RILP: variants seen among roughly 807,000 people sequenced by gnomAD.
RILP encodes the protein Rab interacting lysosomal protein.
A neutral mutation model predicts 40.0 loss-of-function variants in RILP; 53 were observed. The observed-to-expected ratio is 1.32, with a 90% CI of 1.06 to 1.66. RILP has a LOEUF of 1.66. Ranked by LOEUF, RILP falls within the 40% of genes most tolerant of loss-of-function variation. The pLI is 0.00. For synonymous variants in RILP, 272 were observed against 250.6 expected (o/e 1.09, Z -0.80); for missense variants, 626 against 551.7 (o/e 1.13, Z -1.35).
At position 1,649,621 on chromosome 17, in the gene RILP, G is replaced by C. The variant is rs1364167153; in HGVS notation, c.184C>G (p.Leu62Val). 3 of 1,581,312 alleles carry C rather than the reference G, an allele frequency of 1.9e-6. No homozygotes were observed. The highest frequency in any genetic ancestry group is 2.7e-5 in the African/African-American group (2 of 74,368). The stretch of plus-strand genomic sequence containing the variant: ...ACGGCAGCCTGTTCCAAGAGCTCCA[G>C]CGCCCGCACCACTAGCGGCACCAGC... ...AGLVPLVVRA[L>V]ELLEQAAVGP... Residue 62 changes from leucine to valine, a missense_variant, in exon 1 of 8, where the codon CTG becomes GTG. Transcript: ENST00000301336. The surrounding 1 kb of genome is among the most constrained non-coding windows in gnomAD (Gnocchi z 4.3).
In RILP at chr17:1,648,777, C is replaced by G; in HGVS notation, c.675+22G>C. The G allele has an allele frequency of 6.7e-7, 1 of 1,494,502 alleles. No homozygotes were observed. The allele number at this position is 1,494,502 out of a possible 1,614,324, so 92.6% of individuals were successfully genotyped here. A position where few individuals can be genotyped will look rare whatever the true frequency, so the allele number is the denominator to read the frequency against. On this transcript the variant is annotated intron_variant, in intron 4 of 7. Transcript: ENST00000301336. This position sits in a 1 kb window ranked among gnomAD's most constrained non-coding sequence, Gnocchi z 4.9. ...TGGACGCTGCGTCCTGGGCTGGGTCCTTGCCCTCATACGGCACTCACCGGG... is the reference window on the plus strand; with the variant it reads ...TGGACGCTGCGTCCTGGGCTGGGTCGTTGCCCTCATACGGCACTCACCGGG...
chr17:1,646,959 G>T lies in RILP; in HGVS notation c.975C>A (p.Leu325=). The T allele has an allele frequency of 6.2e-7, 1 of 1,609,020 alleles. No individual in the cohort carries two copies. The highest frequency in any genetic ancestry group is 1.1e-5 in the South Asian group (1 of 90,344). The change falls in exon 7 of 8, where the codon CTC becomes CTA. Residue 325 remains leucine (L), a synonymous_variant. Transcript: ENST00000301336. This position sits in a 1 kb window ranked among gnomAD's most constrained non-coding sequence, Gnocchi z 4.3. ...GGGGATGGTCTCCCTTGTCATCGGA[G>T]AGCAGGATCCATGGGCCAGCCTCAT... The part of the protein sequence containing the change: ...SEDEAGPWIL[L]SDDKGDHPPP...
At position 1,648,574 on chromosome 17, in the gene RILP, G is replaced by A. The variant is rs932501117; in HGVS notation, c.676-79C>T. The A allele has an allele frequency of 6.4e-7, 1 of 1,554,186 alleles. No homozygotes were observed. Reference sequence around the variant, plus strand: ...CCAGGGCCATCATGGGAATGCTAGAGGAAGTGACGGGCCGGGAGACTTGGG... The same window carrying A: ...CCAGGGCCATCATGGGAATGCTAGAAGAAGTGACGGGCCGGGAGACTTGGG... On this transcript the variant is annotated intron_variant, in intron 4 of 7. Coordinates refer to ENST00000301336, the MANE Select transcript of RILP (RefSeq NM_031430.3). This position sits in a 1 kb window ranked among gnomAD's most constrained non-coding sequence, Gnocchi z 4.9.
intron 5 of RILP, 35 bp from the exon 6 acceptor site, chr17:1,647,992 G>A: frequency 6.2e-7 from 1 of 1,611,392 alleles, no homozygotes; most frequent in Non-Finnish European, 8.5e-7. Context: ...GAAAGCCCTG[G>A]TGATGCCAGC....
Position 1,648,648 on chromosome 17 carries a change from G to T in RILP, c.675+151C>A. On this transcript the variant is annotated intron_variant, in intron 4 of 7. Coordinates refer to ENST00000301336, the MANE Select transcript of RILP (RefSeq NM_031430.3). This position sits in a 1 kb window ranked among gnomAD's most constrained non-coding sequence, Gnocchi z 4.9. The stretch of plus-strand genomic sequence containing the variant: ...ACAGAGCAGTGCTCCAGCTGAGAGC[G>T]GGGGCCGAGGCCGGCCGGGGGCGCA... 1 of 1,395,048 alleles carries T rather than the reference G, an allele frequency of 7.2e-7. No individual in the cohort carries two copies. Among genetic ancestry groups the T allele is most frequent in the Non-Finnish European group, 9.4e-7 (1 of 1,060,612 alleles). 86.4% of individuals were successfully genotyped at this position (1,395,048 alleles called of 1,614,324 possible).
Position 1,646,387 on chromosome 17 carries a change from C to A in RILP, c.*55G>T. The A allele has an allele frequency of 1.3e-6, 2 of 1,491,334 alleles. No individual in the cohort carries two copies. Among genetic ancestry groups the A allele is most frequent in the Admixed American group, 2.3e-5 (1 of 43,982 alleles). The allele number at this position is 1,491,334 out of a possible 1,614,324, so 92.4% of individuals were successfully genotyped here. On this transcript the variant is annotated 3_prime_UTR_variant, in exon 8 of 8. Transcript: ENST00000301336. The surrounding 1 kb of genome is among the most constrained non-coding windows in gnomAD (Gnocchi z 4.3). ...AGACCCCTGGCGAGGGCTGTGAAGGCGGGAGCCCTGTCCTCATTTGAGGCC... is the reference window on the plus strand; with the variant it reads ...AGACCCCTGGCGAGGGCTGTGAAGGAGGGAGCCCTGTCCTCATTTGAGGCC...
chr17:1,646,581 T>G lies in RILP; in HGVS notation c.1067A>C (p.Glu356Ala). 1.2e-6 allele frequency: 2 copies of G among 1,603,404 alleles called. No individual in the cohort carries two copies. Among genetic ancestry groups the G allele is most frequent in the Non-Finnish European group, 1.7e-6 (2 of 1,175,778 alleles). The change falls in exon 8 of 8, where the codon GAG becomes GCG. Residue 356 changes from glutamate (E) to alanine (A), a missense_variant. Transcript: ENST00000301336. This position sits in a 1 kb window ranked among gnomAD's most constrained non-coding sequence, Gnocchi z 4.3. Reference sequence around the variant, plus strand: ...GGGTGCAGGGCTGCTGGTCTCATCCTCAGAGGATTCAGCTTTACCCCGATA... The same window carrying G: ...GGGTGCAGGGCTGCTGGTCTCATCCGCAGAGGATTCAGCTTTACCCCGATA... ...LWYRGKAESSEDETSSPAPSK... is the reference protein window; with the variant it reads ...LWYRGKAESSADETSSPAPSK...
Position 1,649,866 on chromosome 17 carries a change from C to T in RILP, c.-62G>A, listed in dbSNP as rs1403542070. 4.4e-6 allele frequency: 6 copies of T among 1,361,160 alleles called. No individual in the cohort carries two copies. The highest frequency in any genetic ancestry group is 5.9e-6 in the Non-Finnish European group (6 of 1,012,988). The allele number at this position is 1,361,160 out of a possible 1,614,324, so 84.3% of individuals were successfully genotyped here. A position where few individuals can be genotyped will look rare whatever the true frequency, so the allele number is the denominator to read the frequency against. On this transcript the variant is annotated 5_prime_UTR_variant, in exon 1 of 8. Transcript: ENST00000301336. The surrounding 1 kb of genome is among the most constrained non-coding windows in gnomAD (Gnocchi z 4.3). ...CACCCTCCACTGGGACGGGGAAAAG[C>T]GAAACAGTTCCGCCCCAGGAAGCCG...
chr17:1,649,622 C>A lies in RILP; in HGVS notation c.183G>T (p.Ala61=). 6.3e-7 allele frequency: 1 copy of A among 1,581,280 alleles called. No homozygotes were observed. Among genetic ancestry groups the A allele is most frequent in the South Asian group, 1.1e-5 (1 of 89,074 alleles). Reference sequence around the variant, plus strand: ...CGGCAGCCTGTTCCAAGAGCTCCAGCGCCCGCACCACTAGCGGCACCAGCC... The same window carrying A: ...CGGCAGCCTGTTCCAAGAGCTCCAGAGCCCGCACCACTAGCGGCACCAGCC... ...AAGLVPLVVR[A]LELLEQAAVG... is the part of the protein sequence containing the mutation. Residue 61 remains alanine, a synonymous_variant, in exon 1 of 8, where the codon GCG becomes GCT. Coordinates refer to ENST00000301336, the MANE Select transcript of RILP (RefSeq NM_031430.3). This position sits in a 1 kb window ranked among gnomAD's most constrained non-coding sequence, Gnocchi z 4.3.
Position 1,649,422 on chromosome 17 carries a change from C to G in RILP, c.312G>C (p.Ala104=). The change falls in exon 2 of 8, where the codon GCG becomes GCC. Residue 104 remains alanine (A), a synonymous_variant. Coordinates refer to ENST00000301336, the MANE Select transcript of RILP (RefSeq NM_031430.3). The surrounding 1 kb of genome is among the most constrained non-coding windows in gnomAD (Gnocchi z 4.3). The stretch of plus-strand genomic sequence containing the variant: ...CGGGGCTGCGCTTACCCTGTGGCCC[C>G]GCGCGCAGCTCCCTGCGGAGGCGCT... ...ENERLRRELR[A]GPQEERALLR... is the part of the protein sequence containing the mutation. 1 of 1,507,186 alleles carries G rather than the reference C, an allele frequency of 6.6e-7. No individual in the cohort carries two copies. Among genetic ancestry groups the G allele is most frequent in the Non-Finnish European group, 8.8e-7 (1 of 1,135,532 alleles). 93.4% of individuals were successfully genotyped at this position (1,507,186 alleles called of 1,614,324 possible). A position where few individuals can be genotyped will look rare whatever the true frequency, so the allele number is the denominator to read the frequency against.
Position 1,649,309 on chromosome 17 carries a change from G to C in RILP, c.323-3C>G. The C allele has an allele frequency of 1.3e-6, 2 of 1,502,222 alleles. No individual in the cohort carries two copies. The highest frequency in any genetic ancestry group is 1.8e-6 in the Non-Finnish European group (2 of 1,132,750). 93.1% of individuals were successfully genotyped at this position (1,502,222 alleles called of 1,614,324 possible). ...CTGCCGCAGCAGCGCGCGCTCCTCT[G>C]AGGAAGGGGCGTTCTTAGCGGCGGC... On this transcript the variant is annotated splice_region_variant and splice_polypyrimidine_tract_variant and intron_variant, in intron 2 of 7. Transcript: ENST00000301336. The surrounding 1 kb of genome is among the most constrained non-coding windows in gnomAD (Gnocchi z 4.3).
At position 1,648,266 on chromosome 17, in the gene RILP, C is replaced by A; in HGVS notation, c.821+84G>T. 6.6e-7 allele frequency: 1 copy of A among 1,518,904 alleles called. No individual in the cohort carries two copies. Among genetic ancestry groups the A allele is most frequent in the South Asian group, 1.2e-5 (1 of 80,172 alleles). 94.1% of individuals were successfully genotyped at this position (1,518,904 alleles called of 1,614,324 possible). A position where few individuals can be genotyped will look rare whatever the true frequency, so the allele number is the denominator to read the frequency against. ...TGTCCTCCCAGTTCCCAGCGCAGGC[C>A]TGGCACATGTCACTGTGGACATGTC... On this transcript the variant is annotated intron_variant, in intron 5 of 7. Coordinates refer to ENST00000301336, the MANE Select transcript of RILP (RefSeq NM_031430.3). The surrounding 1 kb of genome is among the most constrained non-coding windows in gnomAD (Gnocchi z 4.9).
At position 1,646,558 on chromosome 17, in the gene RILP, G is replaced by C; in HGVS notation, c.1090C>G (p.Pro364Ala). The change falls in exon 8 of 8, where the codon CCC (proline) becomes GCC (alanine). Residue 364 changes from proline (P) to alanine (A), a missense_variant. Transcript: ENST00000301336. This position sits in a 1 kb window ranked among gnomAD's most constrained non-coding sequence, Gnocchi z 4.3. ...TCCTCTTCTCCCCCTAGCTTGCTGG[G>C]TGCAGGGCTGCTGGTCTCATCCTCA... is the stretch of plus-strand genomic sequence containing the variant. ...SSEDETSSPA[P>A]SKLGGEEEAQ... The C allele has an allele frequency of 6.2e-7, 1 of 1,612,762 alleles. No individual in the cohort carries two copies. The highest frequency in any genetic ancestry group is 8.5e-7 in the Non-Finnish European group (1 of 1,179,350).
Position 1,646,448 on chromosome 17 carries a change from C to G in RILP, c.1200G>C (p.Glu400Asp), listed in dbSNP as rs1567668879. The G allele has an allele frequency of 1.3e-6, 2 of 1,578,186 alleles. No individual in the cohort carries two copies. The highest frequency in any genetic ancestry group is 1.7e-6 in the Non-Finnish European group (2 of 1,162,938). Residue 400 changes from glutamate to aspartate, a missense_variant, in exon 8 of 8, where the codon GAG becomes GAC. Transcript: ENST00000301336. The surrounding 1 kb of genome is among the most constrained non-coding windows in gnomAD (Gnocchi z 4.3). ...CCACAGCCAGACCCCTAAGTCAGGC[C>G]TCTGGGGCGGCTGAGGCCCCCAGAC... is the stretch of plus-strand genomic sequence containing the variant. ...HLCLGASAAP[E>D]A
At position 1,649,116 on chromosome 17, in the gene RILP, C is replaced by A. The variant is rs939017990; in HGVS notation, c.430-72G>T. 10 of 1,197,912 alleles carry A rather than the reference C, an allele frequency of 8.3e-6. No individual in the cohort carries two copies. The African/African-American group carries it at 1.3e-4, about 16-fold the overall frequency. 74.2% of individuals were successfully genotyped at this position (1,197,912 alleles called of 1,614,324 possible). A position where few individuals can be genotyped will look rare whatever the true frequency, so the allele number is the denominator to read the frequency against. Reference sequence around the variant, plus strand: ...CCGGAGCCCCGCCCAGCGCCTGCCTCGCTCCGCCCCCGCCCCCGGAGCCCC... The same window carrying A: ...CCGGAGCCCCGCCCAGCGCCTGCCTAGCTCCGCCCCCGCCCCCGGAGCCCC... On this transcript the variant is annotated intron_variant, in intron 3 of 7. Transcript: ENST00000301336. This position sits in a 1 kb window ranked among gnomAD's most constrained non-coding sequence, Gnocchi z 4.3.
chr17:1,646,477 G>C lies in RILP; in HGVS notation c.1171C>G (p.Leu391Val), dbSNP rs140403152. The change falls in exon 8 of 8, where the codon CTT becomes GTT. Residue 391 changes from leucine (L) to valine (V), a missense_variant. Physicochemically the swap from Leu to Val is conservative, Grantham distance 32 (BLOSUM62 1). Coordinates refer to ENST00000301336, the MANE Select transcript of RILP (RefSeq NM_031430.3). The surrounding 1 kb of genome is among the most constrained non-coding windows in gnomAD (Gnocchi z 4.3). ...GGGGCGGCTGAGGCCCCCAGACAAA[G>C]GTGTTCGTGGAGGGCAGAACAGGGC... ...DPPCSALHEH[L>V]CLGASAAPEA 1,620 of 1,604,040 alleles carry C rather than the reference G, an allele frequency of 1.0e-3. 12 individuals are homozygous for C. The African/African-American group carries it at 0.019, about 19-fold the overall frequency.
In RILP at chr17:1,649,684, C is replaced by G; in HGVS notation, c.121G>C (p.Asp41His). 1 of 1,591,446 alleles carries G rather than the reference C, an allele frequency of 6.3e-7. No individual in the cohort carries two copies. Among genetic ancestry groups the G allele is most frequent in the East Asian group, 2.2e-5 (1 of 44,548 alleles). The change falls in exon 1 of 8, where the codon GAT becomes CAT. Residue 41 changes from aspartate to histidine, a missense_variant. By Grantham distance (81) the Asp-to-His change is moderately conservative. Coordinates refer to ENST00000301336, the MANE Select transcript of RILP (RefSeq NM_031430.3). The surrounding 1 kb of genome is among the most constrained non-coding windows in gnomAD (Gnocchi z 4.3). Reference sequence around the variant, plus strand: ...TCCGGCCCGAAACGGCGCGCCAGATCCTGCAGCTCAGTGCCCAGGGCCCCG... The same window carrying G: ...TCCGGCCCGAAACGGCGCGCCAGATGCTGCAGCTCAGTGCCCAGGGCCCCG... The part of the protein sequence containing the change: ...LAGALGTELQ[D>H]LARRFGPEAA...
chr17:1,649,821 G>C lies in RILP; in HGVS notation c.-17C>G. 1 of 1,513,390 alleles carries C rather than the reference G, an allele frequency of 6.6e-7. No individual in the cohort carries two copies. The highest frequency in any genetic ancestry group is 8.8e-7 in the Non-Finnish European group (1 of 1,132,712). 93.7% of individuals were successfully genotyped at this position (1,513,390 alleles called of 1,614,324 possible). On this transcript the variant is annotated 5_prime_UTR_variant, in exon 1 of 8. Transcript: ENST00000301336. The surrounding 1 kb of genome is among the most constrained non-coding windows in gnomAD (Gnocchi z 4.3). The stretch of plus-strand genomic sequence containing the variant: ...GGGCTCCATGTCTCCCAGAGGCTTA[G>C]GGCTGCGACCCCCCCACCCCACCCT...
In RILP at chr17:1,648,506, A is replaced by G. The variant is rs1910744879; in HGVS notation, c.676-11T>C. On this transcript the variant is annotated splice_polypyrimidine_tract_variant and intron_variant, in intron 4 of 7. Coordinates refer to ENST00000301336, the MANE Select transcript of RILP (RefSeq NM_031430.3). The surrounding 1 kb of genome is among the most constrained non-coding windows in gnomAD (Gnocchi z 4.9). Reference sequence around the variant, plus strand: ...CTGCGCGGCCTCCGCCTTTGGAAGGACAGGCACAGTCAGAGGGTCGCCTCG... The same window carrying G: ...CTGCGCGGCCTCCGCCTTTGGAAGGGCAGGCACAGTCAGAGGGTCGCCTCG... The G allele has an allele frequency of 2.5e-6, 4 of 1,611,686 alleles. No homozygotes were observed. Among genetic ancestry groups the G allele is most frequent in the Non-Finnish European group, 3.4e-6 (4 of 1,179,752 alleles).
Sources: gnomAD v4.1 joint callset for allele counts on GRCh38, gnomAD v4.1.1 for gene constraint, Gnocchi (gnomAD v3.1) non-coding constraint, MANE v1.5 for transcripts, NCBI Gene and HGNC (gene_info 2026-07-23, HGNC 2026-07-21) for gene names.